Variants in FBXO8 observed in about 807,000 individuals in gnomAD.
The protein encoded by FBXO8 is F-box only protein 8.
Under a neutral mutation model 33.4 loss-of-function variants are expected in FBXO8, and 15 were observed. The ratio of observed to expected loss-of-function variants is 0.45; its 90% CI spans 0.30 to 0.69. The LOEUF is 0.69. Ranked by LOEUF, FBXO8 falls within the 30% of genes least tolerant of loss-of-function variation. The probability of loss-of-function intolerance (pLI) is 0.08; values close to 1 mark genes in which losing one functional copy is unlikely to be tolerated. For missense variants in FBXO8, 274 were observed against 380.3 expected, an observed-to-expected ratio of 0.72 and a Z score of 2.32; for synonymous variants, 132 against 131.5, an observed-to-expected ratio of 1.00 and a Z score of -0.02.
At chr4:174,273,540 A>G (rs1392247768) in intron 1 of FBXO8, among the ~76,000 whole-genome samples, 2 of 152,146 alleles carry the variant, frequency 1.3e-5, no homozygotes, top group East Asian at 1.9e-4. Flanking sequence ...CCTAAACTTG[A>G]TAACTGTGAA....
chr4:174,246,361 T>G (rs1166889369), intron 3 of FBXO8, among the ~76,000 whole-genome samples: 1 of 152,084 alleles, frequency 6.6e-6, no homozygotes, highest in East Asian at 1.9e-4. Flanking sequence ...TTCTTTTTCT[T>G]TCAAATAGCT....
chr4:174,273,657 A>G (rs1296038210), intron 1 of FBXO8, among the ~76,000 whole-genome samples: 1 of 152,224 alleles, frequency 6.6e-6, no homozygotes, highest in Non-Finnish European at 1.5e-5. Context: ...AGTAACGTCT[A>G]TGTCTATACA....
rs1467441459 is a variant in FBXO8, at chr4:174,277,064, A to G, written c.-9+6346T>C. ...TTAAAGTAGCAGTTTTAGTCTAACC[A>G]AGTCTGTTACAACAGCATAAAAGCG... On this transcript the variant is annotated intron_variant, in intron 1 of 5. Transcript: ENST00000393674. This position sits in a 1 kb window ranked among gnomAD's most constrained non-coding sequence, Gnocchi z 4.9. 1.3e-5 allele frequency among the ~76,000 whole-genome samples: 2 copies of G among 152,206 alleles called. No homozygotes were observed. The highest frequency in any genetic ancestry group is 2.9e-5 in the Non-Finnish European group (2 of 68,026).
Position 174,253,021 on chromosome 4 carries a change from C to A in FBXO8, c.456+6678G>T, listed in dbSNP as rs1736331293. On this transcript the variant is annotated intron_variant, in intron 3 of 5. Coordinates refer to ENST00000393674, the MANE Select transcript of FBXO8 (RefSeq NM_012180.3). The surrounding 1 kb of genome is among the most constrained non-coding windows in gnomAD (Gnocchi z 4.5). ...CTTTCTCTATACACATATTTTCCAA[C>A]CTCATGAGTCAAGAGATAGATTACA... 6.6e-6 allele frequency among the ~76,000 whole-genome samples: 1 copy of A among 152,052 alleles called. No homozygotes were observed. Among genetic ancestry groups the A allele is most frequent in the Non-Finnish European group, 1.5e-5 (1 of 67,988 alleles).
chr4:174,274,176 G>T lies in FBXO8; in HGVS notation c.-9+9234C>A, dbSNP rs1018510653. ...GCTGCAGCTGCTCTTTCAGGCTACT[G>T]CTGTTCTTGTGGAAAGCACACAGGC... On this transcript the variant is annotated intron_variant, in intron 1 of 5. Coordinates refer to ENST00000393674, the MANE Select transcript of FBXO8 (RefSeq NM_012180.3). The surrounding 1 kb of genome is among the most constrained non-coding windows in gnomAD (Gnocchi z 4.0). 2.0e-5 allele frequency among the ~76,000 whole-genome samples: 3 copies of T among 152,166 alleles called. No individual in the cohort carries two copies. The highest frequency in any genetic ancestry group is 7.2e-5 in the African/African-American group (3 of 41,436).
rs1278366999 is a variant in FBXO8, at chr4:174,261,567, A to T, written c.329+1197T>A. On this transcript the variant is annotated intron_variant, in intron 2 of 5. Transcript: ENST00000393674. The surrounding 1 kb of genome is among the most constrained non-coding windows in gnomAD (Gnocchi z 4.1). ...AGTACTTTCATTTCCTCTTCTATTC[A>T]TGAGTAAAAAATTAATAACATTTAT... Among the ~76,000 whole-genome samples, 3 of 152,106 alleles carry T rather than the reference A, an allele frequency of 2.0e-5. No individual in the cohort carries two copies. The highest frequency in any genetic ancestry group is 6.5e-5 in the Admixed American group (1 of 15,284).
In FBXO8 at chr4:174,259,103, C is replaced by T. The variant is rs1050570456; in HGVS notation, c.456+596G>A. On this transcript the variant is annotated intron_variant, in intron 3 of 5. Coordinates refer to ENST00000393674, the MANE Select transcript of FBXO8 (RefSeq NM_012180.3). This position sits in a 1 kb window ranked among gnomAD's most constrained non-coding sequence, Gnocchi z 4.3. Reference sequence around the variant, plus strand: ...AAATAAGAATAGAGAAAAAAAAAATCAGTGAAAAAGTTGTTTTCACATTTT... The same window carrying T: ...AAATAAGAATAGAGAAAAAAAAAATTAGTGAAAAAGTTGTTTTCACATTTT... Among the ~76,000 whole-genome samples, 1 of 151,526 alleles carries T rather than the reference C, an allele frequency of 6.6e-6. No homozygotes were observed. The highest frequency in any genetic ancestry group is 2.4e-5 in the African/African-American group (1 of 41,296).
At chr4:174,248,968 T>C (rs1003884110) in intron 3 of FBXO8, among the ~76,000 whole-genome samples, 3 of 152,000 alleles carry the variant, frequency 2.0e-5, no homozygotes, top group Non-Finnish European at 4.4e-5. Context: ...AGAGGAGGTA[T>C]AGGACAGGTC....
In FBXO8 at chr4:174,270,364, G is replaced by A. The variant is rs1408408447; in HGVS notation, c.-8-7264C>T. 6.6e-6 allele frequency among the ~76,000 whole-genome samples: 1 copy of A among 152,150 alleles called. No homozygotes were observed. Reference sequence around the variant, plus strand: ...AGCATTATTAAAAAATAATGCCTTTGAGAGGTATTTATCTAGAAGACTGCA... The same window carrying A: ...AGCATTATTAAAAAATAATGCCTTTAAGAGGTATTTATCTAGAAGACTGCA... On this transcript the variant is annotated intron_variant, in intron 1 of 5. Coordinates refer to ENST00000393674, the MANE Select transcript of FBXO8 (RefSeq NM_012180.3). The surrounding 1 kb of genome is among the most constrained non-coding windows in gnomAD (Gnocchi z 4.6).
intron 3 of FBXO8, among the ~76,000 whole-genome samples, chr4:174,250,896 G>T (rs1736270674): frequency 1.3e-5 from 2 of 152,070 alleles, no homozygotes; most frequent in Admixed American, 1.3e-4. Flanking sequence ...CTTAAATCTA[G>T]AAGTAATATC....
At position 174,277,296 on chromosome 4, in the gene FBXO8, T is replaced by C. The variant is rs535798401; in HGVS notation, c.-9+6114A>G. ...TAAAAAGACTAAAATACAAGTTTTA[T>C]TAATATTTTGTATCTAATACAAAGT... is the stretch of plus-strand genomic sequence containing the variant. On this transcript the variant is annotated intron_variant, in intron 1 of 5. Coordinates refer to ENST00000393674, the MANE Select transcript of FBXO8 (RefSeq NM_012180.3). This position sits in a 1 kb window ranked among gnomAD's most constrained non-coding sequence, Gnocchi z 4.9. Among the ~76,000 whole-genome samples, 1 of 152,306 alleles carries C rather than the reference T, an allele frequency of 6.6e-6. No individual in the cohort carries two copies. Among genetic ancestry groups the C allele is most frequent in the South Asian group, 2.1e-4 (1 of 4,828 alleles).
At chr4:174,250,871 C>T (rs1029725619) in intron 3 of FBXO8, among the ~76,000 whole-genome samples, 1 of 152,104 alleles carries the variant, frequency 6.6e-6, no homozygotes, top group African/African-American at 2.4e-5. Context: ...ACACCTTGGA[C>T]ATTAAAGCTG....
intron 1 of FBXO8, chr4:174,269,111 T>C (rs2126443692): frequency 6.6e-6 from 1 of 152,340 alleles, no homozygotes. Flanking sequence ...GTTGAGAGGA[T>C]CTATAGAATT....
chr4:174,238,816 CTGT>C lies in FBXO8; in HGVS notation c.772+175_772+177del, dbSNP rs553158976. On this transcript the variant is annotated intron_variant, in intron 5 of 5. Coordinates refer to ENST00000393674, the MANE Select transcript of FBXO8 (RefSeq NM_012180.3). ...ACACGCACACCATAGCTATGACAAACTGTTTTTTCCAAGCTCCCATAAATGATG... is the reference window on the plus strand; with the variant it reads ...ACACGCACACCATAGCTATGACAAACTTTTTCCAAGCTCCCATAAATGATG... Among the ~76,000 whole-genome samples, 286 of 150,322 alleles carry C rather than the reference CTGT, an allele frequency of 1.9e-3. 1 individual carries two copies. The highest frequency in any genetic ancestry group is 6.7e-3 in the African/African-American group (274 of 41,084).
Position 174,281,477 on chromosome 4 carries a change from G to A in FBXO8, c.-9+1933C>T, listed in dbSNP as rs891660242. On this transcript the variant is annotated intron_variant, in intron 1 of 5. Transcript: ENST00000393674. This position sits in a 1 kb window ranked among gnomAD's most constrained non-coding sequence, Gnocchi z 4.6. ...CTTGGGAGGCTGTGGAAGGAGGATC[G>A]CTTGAGCTCAGGACTTCAAGACCAG... Among the ~76,000 whole-genome samples the A allele has an allele frequency of 1.3e-5, 2 of 152,088 alleles. No homozygotes were observed. Among genetic ancestry groups the A allele is most frequent in the African/African-American group, 2.4e-5 (1 of 41,444 alleles).
intron 1 of FBXO8, among the ~76,000 whole-genome samples, chr4:174,276,427 G>A (rs770538620): frequency 7.4e-4 from 113 of 152,086 alleles, no homozygotes; most frequent in Non-Finnish European, 1.4e-3. Context: ...TAGTAGAGAC[G>A]GAGTTTCACT....
In FBXO8 at chr4:174,262,852, T is replaced by TA. The variant is rs756623069; in HGVS notation, c.240dup (p.Thr81TyrfsTer10). On this transcript the variant is annotated frameshift_variant, in exon 2 of 6. Coordinates refer to ENST00000393674, the MANE Select transcript of FBXO8 (RefSeq NM_012180.3). LOFTEE classifies it high-confidence loss of function. The surrounding 1 kb of genome is among the most constrained non-coding windows in gnomAD (Gnocchi z 4.6). ...GTTGCATTCAGGTAGGACAAGATGG[T>TA]AAAGCTTAGCTCAGGAGGCAACATT... The TA allele has an allele frequency of 6.2e-7, 1 of 1,614,058 alleles. No homozygotes were observed. Among genetic ancestry groups the TA allele is most frequent in the Non-Finnish European group, 8.5e-7 (1 of 1,179,934 alleles).
intron 1 of FBXO8, among the ~76,000 whole-genome samples, chr4:174,273,814 G>A (rs1351956565): frequency 6.6e-6 from 1 of 152,102 alleles, no homozygotes; most frequent in Non-Finnish European, 1.5e-5. Flanking sequence ...ATTTGAAAAA[G>A]ATGTGTGTTT....
Position 174,257,184 on chromosome 4 carries a change from T to C in FBXO8, c.456+2515A>G, listed in dbSNP as rs189933498. On this transcript the variant is annotated intron_variant, in intron 3 of 5. Coordinates refer to ENST00000393674, the MANE Select transcript of FBXO8 (RefSeq NM_012180.3). This position sits in a 1 kb window ranked among gnomAD's most constrained non-coding sequence, Gnocchi z 4.3. ...TGGTAGCTGCAAGGATGAAAACCTATTTATATGTCTAGCTTTTCCAAATTA... is the reference window on the plus strand; with the variant it reads ...TGGTAGCTGCAAGGATGAAAACCTACTTATATGTCTAGCTTTTCCAAATTA... 6.6e-6 allele frequency among the ~76,000 whole-genome samples: 1 copy of C among 152,270 alleles called. No homozygotes were observed.
Sources: allele counts gnomAD v4.1 joint callset (sites outside exome capture counted in the v4.1 genomes callset), GRCh38; gene constraint gnomAD v4.1.1; non-coding constraint Gnocchi (gnomAD v3.1); transcripts MANE v1.5; gene names NCBI Gene and HGNC (gene_info 2026-07-23, HGNC 2026-07-21).